The following FBLN5 variants were observed in gnomAD, a reference collection of about 807,000 sequenced individuals.
FBLN5 encodes fibulin-5.
A neutral mutation model predicts 61.6 loss-of-function variants in FBLN5; 24 were observed. That is an observed-to-expected ratio of 0.39 (90% CI 0.28 to 0.55). The LOEUF (loss-of-function observed/expected upper bound fraction) is 0.55, where lower values mean the gene tolerates loss of function less well. Among genes scored for constraint, FBLN5 ranks in the 20% least tolerant of loss-of-function variants. The pLI is 0.65. For missense variants in FBLN5, 470 were observed against 594.1 expected, an observed-to-expected ratio of 0.79 and a Z score of 2.17; for synonymous variants, 213 against 219.8, an observed-to-expected ratio of 0.97 and a Z score of 0.27.
intron 4 of FBLN5, among the ~76,000 whole-genome samples, chr14:91,896,954 G>A (rs892594824): frequency 7.9e-5 from 12 of 152,154 alleles, no homozygotes; most frequent in African/African-American, 1.2e-4. Flanking sequence ...TCAGTAAAAC[G>A]TTCAACTGGG....
intron 2 of FBLN5, chr14:91,941,932 G>A (rs939237659): frequency 2.0e-5 from 7 of 343,488 alleles, no homozygotes; most frequent in Admixed American, 1.5e-4. Flanking sequence ...TTAGAAAACC[G>A]CAAGGTCTAA....
intron 4 of FBLN5, among the ~76,000 whole-genome samples, chr14:91,909,941 T>G (rs1051381294): frequency 6.6e-6 from 1 of 152,178 alleles, no homozygotes; most frequent in African/African-American, 2.4e-5. Context: ...TAAAATTGGG[T>G]AGCCACTATG....
chr14:91,869,876 TCA>T lies in FBLN5; in HGVS notation c.*346_*347del. 1 of 349,830 alleles carries T rather than the reference TCA, an allele frequency of 2.9e-6. No homozygotes were observed. Among genetic ancestry groups the T allele is most frequent in the South Asian group, 2.3e-5 (1 of 43,648 alleles). The allele number at this position is 349,830 out of a possible 1,614,324, so 21.7% of individuals were successfully genotyped here. On this transcript the variant is annotated 3_prime_UTR_variant, in exon 11 of 11. Coordinates refer to ENST00000342058, the MANE Select transcript of FBLN5 (RefSeq NM_006329.4). ...AGGTGAAGAAGTGACAGCAAGCTGTTCACAGTCTTTGAACATAGACTCAGACC... is the reference window on the plus strand; with the variant it reads ...AGGTGAAGAAGTGACAGCAAGCTGTTCAGTCTTTGAACATAGACTCAGACC...
intron 4 of FBLN5, among the ~76,000 whole-genome samples, chr14:91,936,622 TGA>T (rs1464256457): frequency 6.6e-6 from 1 of 152,206 alleles, no homozygotes; most frequent in African/African-American, 2.4e-5. Flanking sequence ...ATTGGTTATT[TGA>T]GAAAATATTA....
intron 1 of FBLN5, among the ~76,000 whole-genome samples, chr14:91,944,353 G>C (rs1875245195): frequency 6.6e-6 from 1 of 152,262 alleles, no homozygotes; most frequent in South Asian, 2.1e-4. Flanking sequence ...CCTGTGCACT[G>C]TTGGTGTAAA....
chr14:91,898,870 A>C (rs2498837), intron 4 of FBLN5, among the ~76,000 whole-genome samples: 122,240 of 146,888 alleles, frequency 0.83, 51,574 homozygotes, highest in Admixed American at 0.91. Context: ...GGCGCAATCT[A>C]AGCTCACTGC....
chr14:91,912,612 T>A (rs369670379), intron 4 of FBLN5, among the ~76,000 whole-genome samples: 14 of 152,146 alleles, frequency 9.2e-5, no homozygotes, highest in East Asian at 7.7e-4. Context: ...GCCACTGCAC[T>A]CCAGCCTGGG....
intron 4 of FBLN5, among the ~76,000 whole-genome samples, chr14:91,918,048 C>T (rs1891269901): frequency 6.6e-6 from 1 of 152,162 alleles, no homozygotes; most frequent in Non-Finnish European, 1.5e-5. Flanking sequence ...GGCACCTGTA[C>T]CACCCATGAA....
At chr14:91,893,441 G>A (rs1299988486) in intron 5 of FBLN5, among the ~76,000 whole-genome samples, 8 of 152,174 alleles carry the variant, frequency 5.3e-5, no homozygotes, top group South Asian at 4.1e-4. Context: ...TGCTTCGGAC[G>A]GGGCTTGAGG....
chr14:91,880,492 C>T (rs1359318274), intron 9 of FBLN5, among the ~76,000 whole-genome samples: 6 of 151,228 alleles, frequency 4.0e-5, no homozygotes, highest in South Asian at 2.1e-4. Flanking sequence ...GCATGAGTAG[C>T]GGAGTGATAG....
intron 1 of FBLN5, among the ~76,000 whole-genome samples, chr14:91,945,805 G>A (rs2056174519): frequency 6.6e-6 from 1 of 152,198 alleles, no homozygotes; most frequent in South Asian, 2.1e-4. Context: ...ATTCTAGAAC[G>A]CTGGAGACAG....
At chr14:91,919,675 C>A (rs1318131158) in intron 4 of FBLN5, among the ~76,000 whole-genome samples, 1 of 152,160 alleles carries the variant, frequency 6.6e-6, no homozygotes, top group Non-Finnish European at 1.5e-5. Flanking sequence ...GAAACTGAGA[C>A]ACAAACACCC....
At chr14:91,915,832 GA>G (rs1212930739) in intron 4 of FBLN5, among the ~76,000 whole-genome samples, 1 of 151,324 alleles carries the variant, frequency 6.6e-6, no homozygotes, top group Admixed American at 6.6e-5. Flanking sequence ...AAATTTCCAT[GA>G]ATGACCTAAG....
chr14:91,908,987 G>A (rs983755999), intron 4 of FBLN5, among the ~76,000 whole-genome samples: 11 of 151,814 alleles, frequency 7.2e-5, no homozygotes, highest in Admixed American at 2.0e-4. Flanking sequence ...GCGCAATCTC[G>A]GCTCACCGCA....
intron 10 of FBLN5, among the ~76,000 whole-genome samples, chr14:91,870,935 A>T (rs1438159767): frequency 2.6e-5 from 4 of 152,122 alleles, no homozygotes; most frequent in Non-Finnish European, 5.9e-5. Flanking sequence ...CATCTCTCAA[A>T]TGAGGGTTTG....
In FBLN5 at chr14:91,937,039, G is replaced by A. The variant is rs758067997; in HGVS notation, c.287C>T (p.Ala96Val). The A allele has an allele frequency of 1.2e-5, 20 of 1,614,192 alleles. No individual in the cohort carries two copies. In the East Asian group the frequency reaches 2.7e-4, roughly 22 times the overall value. ...ATAGTTTGGAGCTGAGAGTGGTGGG[G>A]CAGCTGCTGGGTACGGACCTGAGTA... is the stretch of plus-strand genomic sequence containing the variant. ...TPYSGPYPAA[A>V]PPLSAPNYPT... Residue 96 changes from alanine to valine, a missense_variant, in exon 4 of 11, where the codon GCC (alanine) becomes GTC (valine). Coordinates refer to ENST00000342058, the MANE Select transcript of FBLN5 (RefSeq NM_006329.4).
chr14:91,881,120 TACACAC>T (rs200128392), intron 9 of FBLN5, among the ~76,000 whole-genome samples, 166 bp downstream of exon 9: 28 of 61,462 alleles, frequency 4.6e-4, no homozygotes, highest in Non-Finnish European at 7.5e-4. Flanking sequence ...TGTTCTATTC[TACACAC>T]ACACACACAC....
At chr14:91,879,960 A>T (rs1889344461) in intron 9 of FBLN5, among the ~76,000 whole-genome samples, 1 of 152,208 alleles carries the variant, frequency 6.6e-6, no homozygotes, top group African/African-American at 2.4e-5. Context: ...GAGATGGTTT[A>T]AAAAAGGGAT....
At chr14:91,893,381 C>A (rs2267996) in intron 5 of FBLN5, among the ~76,000 whole-genome samples, 1 of 152,096 alleles carries the variant, frequency 6.6e-6, no homozygotes, top group Non-Finnish European at 1.5e-5. Context: ...TTCACAGACG[C>A]CCATGTGCAA....
Sources: gnomAD v4.1 joint callset for allele counts (sites outside exome capture counted in the v4.1 genomes callset) on GRCh38, gnomAD v4.1.1 for gene constraint, MANE v1.5 for transcripts, NCBI Gene and HGNC (gene_info 2026-07-23, HGNC 2026-07-21) for gene names.